Variants in PDZRN4 observed in about 807,000 individuals in gnomAD.
PDZRN4 encodes PDZ domain containing ring finger 4, also known as PDZ domain-containing RING finger protein 4.
Under a neutral mutation model 99.0 loss-of-function variants are expected in PDZRN4, and 70 were observed. That is an observed-to-expected ratio of 0.71 (90% CI 0.58 to 0.86). The LOEUF (loss-of-function observed/expected upper bound fraction) is 0.86, where lower values mean the gene tolerates loss of function less well. Ranked by LOEUF, PDZRN4 falls within the 40% of genes least tolerant of loss-of-function variation. The pLI is 0.00. For missense variants in PDZRN4, 1,474 were observed against 1,331.2 expected (o/e 1.11, Z -1.67); for synonymous variants, 551 against 501.6 (o/e 1.10, Z -1.32).
At chr12:41,208,817 T>G (rs983253946) in intron 3 of PDZRN4, among the ~76,000 whole-genome samples, 1 of 151,946 alleles carries the variant, frequency 6.6e-6, no homozygotes, top group South Asian at 2.1e-4. Flanking sequence ...TAATGAACAT[T>G]TTTTCTTGTT....
At chr12:41,295,686 C>T (rs922321724) in intron 3 of PDZRN4, among the ~76,000 whole-genome samples, 2 of 152,074 alleles carry the variant, frequency 1.3e-5, no homozygotes. Flanking sequence ...TGTGATATAA[C>T]ATGTCTGAAC....
At chr12:41,499,851 A>G (rs889608322) in intron 3 of PDZRN4, among the ~76,000 whole-genome samples, 2 of 152,086 alleles carry the variant, frequency 1.3e-5, no homozygotes, top group African/African-American at 4.8e-5. Context: ...CAATCTATTA[A>G]CTAAATGTAA....
chr12:41,533,687 C>G (rs189035371), intron 5 of PDZRN4, among the ~76,000 whole-genome samples: 1 of 152,084 alleles, frequency 6.6e-6, no homozygotes, highest in East Asian at 1.9e-4. Context: ...GTGTTTCCTA[C>G]GCATTTTTTG....
intron 9 of PDZRN4, 52 bp from the exon 10 acceptor site, chr12:41,572,312 A>T (rs374497454): frequency 1.4e-6 from 2 of 1,465,608 alleles, no homozygotes; most frequent in Non-Finnish European, 1.9e-6. Context: ...TTAATAACAA[A>T]TGTCTTCCAA....
At chr12:41,211,565 G>A (rs553249089) in intron 3 of PDZRN4, among the ~76,000 whole-genome samples, 1 of 152,020 alleles carries the variant, frequency 6.6e-6, no homozygotes, top group Non-Finnish European at 1.5e-5. Flanking sequence ...TAAACAGAGA[G>A]ATATGATCTT....
chr12:41,414,543 G>T (rs1434560955), intron 3 of PDZRN4, among the ~76,000 whole-genome samples: 2 of 150,542 alleles, frequency 1.3e-5, no homozygotes, highest in Non-Finnish European at 3.0e-5. Flanking sequence ...CTTTATTTTT[G>T]TCTGAAAAAA....
At chr12:41,559,613 T>A (rs547849196) in intron 7 of PDZRN4, among the ~76,000 whole-genome samples, 71 of 152,230 alleles carry the variant, frequency 4.7e-4, no homozygotes, top group African/African-American at 1.7e-3. Context: ...TTCCTAAGGA[T>A]GACTTCCTGA....
rs112717870 is a variant in PDZRN4 at position 41,332,507 on chromosome 12, G to A, written c.843+138319G>A. On this transcript the variant is annotated intron_variant, in intron 3 of 9. Coordinates refer to ENST00000402685, the MANE Select transcript of PDZRN4 (RefSeq NM_001164595.2). ...ATGATGAAGAGTGATCAGGTCATCA[G>A]GAGAAAGGATATGGGAGATATTGTG... Among the ~76,000 whole-genome samples, 233 of 152,052 alleles carry A rather than the reference G, an allele frequency of 1.5e-3. 1 individual carries two copies. The highest frequency in any genetic ancestry group is 5.2e-3 in the African/African-American group (217 of 41,486).
At chr12:41,276,086 T>C (rs1399149166) in intron 3 of PDZRN4, among the ~76,000 whole-genome samples, 2 of 152,136 alleles carry the variant, frequency 1.3e-5, no homozygotes, top group African/African-American at 4.8e-5. Context: ...GTAGGAAGCC[T>C]AGGACATTCT....
At chr12:41,379,927 C>A (rs1269068436) in intron 3 of PDZRN4, among the ~76,000 whole-genome samples, 1 of 151,890 alleles carries the variant, frequency 6.6e-6, no homozygotes, top group Admixed American at 6.6e-5. Context: ...TTATCTATTC[C>A]TTGTTTCCTA....
intron 3 of PDZRN4, among the ~76,000 whole-genome samples, chr12:41,462,863 C>T (rs1952885398): frequency 6.6e-6 from 1 of 151,786 alleles, no homozygotes; most frequent in South Asian, 2.1e-4. Flanking sequence ...AACAATTGGC[C>T]AGATGTAAAA....
chr12:41,466,751 G>GTTTTTTTTTTTTTTTTTTGTTTTTT (rs61259671), intron 3 of PDZRN4, among the ~76,000 whole-genome samples: 1 of 122,172 alleles, frequency 8.2e-6, no homozygotes, highest in African/African-American at 3.1e-5. Flanking sequence ...TATTTCCAGT[G>GTTTTTTTTTTTTTTTTTTGTTTTTT]TTTTTTTTTT....
chr12:41,480,645 T>C (rs1230472833), intron 3 of PDZRN4, among the ~76,000 whole-genome samples: 3 of 152,162 alleles, frequency 2.0e-5, no homozygotes, highest in East Asian at 1.9e-4. Context: ...TTTTTCCCAA[T>C]ATCAGGCTTA....
At chr12:41,563,693 A>G in intron 8 of PDZRN4, 44 bp downstream of exon 8, 1 of 1,239,024 alleles carries the variant, frequency 8.1e-7, no homozygotes, top group Non-Finnish European at 1.2e-6. Context: ...CTTTATATTC[A>G]TTGAATTCAC....
At chr12:41,257,664 G>A (rs1951212476) in intron 3 of PDZRN4, among the ~76,000 whole-genome samples, 1 of 152,230 alleles carries the variant, frequency 6.6e-6, no homozygotes, top group Non-Finnish European at 1.5e-5. Flanking sequence ...AAACAGGGAA[G>A]TGTGGTATCA....
At chr12:41,218,324 G>A (rs955116242) in intron 3 of PDZRN4, among the ~76,000 whole-genome samples, 1 of 151,928 alleles carries the variant, frequency 6.6e-6, no homozygotes, top group African/African-American at 2.4e-5. Flanking sequence ...CATGAGAGAG[G>A]TTCTCAGAGT....
At chr12:41,426,053 G>T (rs1025693334) in intron 3 of PDZRN4, among the ~76,000 whole-genome samples, 3 of 152,132 alleles carry the variant, frequency 2.0e-5, no homozygotes, top group African/African-American at 7.2e-5. Flanking sequence ...TTTCAAGTTA[G>T]AATTTCTAAA....
chr12:41,384,969 A>G (rs576169700), intron 3 of PDZRN4, among the ~76,000 whole-genome samples: 1 of 152,332 alleles, frequency 6.6e-6, no homozygotes, highest in African/African-American at 2.4e-5. Context: ...ACCTGATTGC[A>G]TTAGAAAGTA....
chr12:41,536,110 A>T (rs990003104), intron 5 of PDZRN4, among the ~76,000 whole-genome samples: 1 of 152,194 alleles, frequency 6.6e-6, no homozygotes, highest in Admixed American at 6.5e-5. Context: ...ATTGAGGCTG[A>T]GGTTCACTTA....
Sources: gnomAD v4.1 joint callset for allele counts (sites outside exome capture counted in the v4.1 genomes callset) on GRCh38, gnomAD v4.1.1 for gene constraint, MANE v1.5 for transcripts, NCBI Gene and HGNC (gene_info 2026-07-23, HGNC 2026-07-21) for gene names.